UGT1A8: variants seen among roughly 807,000 people sequenced by gnomAD.
The protein encoded by UGT1A8 is UDP glucuronosyltransferase family 1 member A8.
A neutral mutation model predicts 45.3 loss-of-function variants in UGT1A8; 39 were observed. The observed-to-expected ratio is 0.86, with a 90% CI of 0.67 to 1.12. The LOEUF (loss-of-function observed/expected upper bound fraction) is 1.12, where lower values mean the gene tolerates loss of function less well. UGT1A8 is among the 50% of genes most tolerant of loss of function. The pLI is 0.00. For missense variants in UGT1A8, 719 were observed against 664.9 expected (o/e 1.08, Z -0.90); for synonymous variants, 275 against 249.2 (o/e 1.10, Z -0.97).
rs1297959872 is a variant in UGT1A8 at position 233,724,603 on chromosome 2, C to T, written c.856-42431C>T. ...CGCTCCCCACATCTCAGACGATGGG[C>T]GGCCGGGCAGAGACGCTCCTCACTT... On this transcript the variant is annotated intron_variant, in intron 1 of 4. Transcript: ENST00000373450. Among the ~76,000 whole-genome samples the T allele has an allele frequency of 1.4e-4, 18 of 132,966 alleles. 2 individuals are homozygous for T. In the South Asian group the frequency reaches 1.5e-3, roughly 11 times the overall value. The allele number at this position is 132,966 out of a possible 152,430, so 87.2% of individuals were successfully genotyped here.
At chr2:233,638,361 A>G (rs371270129) in intron 1 of UGT1A8, among the ~76,000 whole-genome samples, 1 of 152,138 alleles carries the variant, frequency 6.6e-6, no homozygotes, top group African/African-American at 2.4e-5. Context: ...TGGTTTTTGC[A>G]TATGTATCTT....
intron 1 of UGT1A8, among the ~76,000 whole-genome samples, chr2:233,705,940 T>C (rs2075879874): frequency 6.6e-6 from 1 of 152,018 alleles, no homozygotes; most frequent in Non-Finnish European, 1.5e-5. Flanking sequence ...AGACAAAAAA[T>C]TAGCTGGGTG....
chr2:233,663,210 A>G (rs1392749989), intron 1 of UGT1A8, among the ~76,000 whole-genome samples: 1 of 152,194 alleles, frequency 6.6e-6, no homozygotes, highest in Non-Finnish European at 1.5e-5. Flanking sequence ...CAGAGTCAAT[A>G]TAACAAGACA....
intron 1 of UGT1A8, chr2:233,690,774 CAT>C (rs1286263819): frequency 5.4e-5 from 57 of 1,062,312 alleles, no homozygotes; most frequent in East Asian, 1.3e-4. Context: ...CACACACACA[CAT>C]ACACACACAC....
chr2:233,762,218 A>G (rs1011647338), intron 1 of UGT1A8, among the ~76,000 whole-genome samples: 2 of 152,162 alleles, frequency 1.3e-5, no homozygotes, highest in African/African-American at 4.8e-5. Flanking sequence ...GCGCCCCATA[A>G]ATCTCAGCAC....
At chr2:233,672,247 A>T in intron 1 of UGT1A8, 1 of 1,614,208 alleles carries the variant, frequency 6.2e-7, no homozygotes, top group Non-Finnish European at 8.5e-7. Flanking sequence ...AGTACGAAGT[A>T]TATATTCTCT....
intron 1 of UGT1A8, among the ~76,000 whole-genome samples, chr2:233,638,336 TG>T (rs2073358886): frequency 6.6e-6 from 1 of 152,214 alleles, no homozygotes. Context: ...AACTGATTAC[TG>T]GTAATTAAAA....
chr2:233,750,979 T>C (rs1345929720), intron 1 of UGT1A8, among the ~76,000 whole-genome samples: 3 of 151,782 alleles, frequency 2.0e-5, no homozygotes, highest in Admixed American at 6.5e-5. Context: ...AGTGGAGTTG[T>C]GAGAAGGCGG....
chr2:233,718,959 G>T (rs2076705502), intron 1 of UGT1A8: 9 of 1,614,212 alleles, frequency 5.6e-6, no homozygotes, highest in Non-Finnish European at 7.6e-6. Flanking sequence ...CATGCGGGAG[G>T]CCTTGCGGGA....
intron 1 of UGT1A8, chr2:233,693,850 G>A (rs1347397374): frequency 6.2e-7 from 1 of 1,614,080 alleles, no homozygotes. Flanking sequence ...GTAAGAAGAG[G>A]AAAGACTTGT....
At chr2:233,630,176 G>T (rs1018096242) in intron 1 of UGT1A8, among the ~76,000 whole-genome samples, 5 of 151,958 alleles carry the variant, frequency 3.3e-5, no homozygotes, top group Non-Finnish European at 5.9e-5. Context: ...TCTGAAGTAA[G>T]CCTCCAGGGG....
At chr2:233,768,876 G>A (rs747097900) in intron 4 of UGT1A8, among the ~76,000 whole-genome samples, 6 of 151,968 alleles carry the variant, frequency 3.9e-5, no homozygotes, top group Admixed American at 6.6e-5. Flanking sequence ...GAGCCAGCGC[G>A]TCTGACCTGG....
chr2:233,649,629 C>G (rs17868315), intron 1 of UGT1A8, among the ~76,000 whole-genome samples: 5,920 of 152,228 alleles, frequency 0.039, 153 homozygotes, highest in African/African-American at 0.064. Context: ...TTGACATGTT[C>G]TTTTAATAAT....
intron 4 of UGT1A8, chr2:233,770,806 G>A (rs1700161628): frequency 6.6e-6 from 1 of 152,116 alleles, no homozygotes; most frequent in Admixed American, 6.5e-5. Context: ...TTTAAAGACA[G>A]TGTATTAGGC....
At chr2:233,683,064 A>G (rs1353703949) in intron 1 of UGT1A8, among the ~76,000 whole-genome samples, 1 of 152,238 alleles carries the variant, frequency 6.6e-6, no homozygotes, top group Non-Finnish European at 1.5e-5. Context: ...AAAAAACCAC[A>G]GTAAGAAATG....
intron 1 of UGT1A8, among the ~76,000 whole-genome samples, chr2:233,751,775 T>C (rs1694807699): frequency 1.3e-5 from 2 of 152,228 alleles, no homozygotes; most frequent in Non-Finnish European, 2.9e-5. Context: ...ATGACTTTGC[T>C]TATCTCTCAC....
At chr2:233,662,390 T>C (rs2073991473) in intron 1 of UGT1A8, among the ~76,000 whole-genome samples, 1 of 152,202 alleles carries the variant, frequency 6.6e-6, no homozygotes, top group Non-Finnish European at 1.5e-5. Context: ...CTAATATATT[T>C]ATTGCAACAA....
intron 1 of UGT1A8, among the ~76,000 whole-genome samples, chr2:233,698,922 T>C (rs187139910): frequency 6.6e-6 from 1 of 152,318 alleles, no homozygotes; most frequent in Admixed American, 6.5e-5. Flanking sequence ...GACGTGGCCG[T>C]CTCAGAGGGC....
intron 1 of UGT1A8, chr2:233,692,804 A>T (rs2075115525): frequency 2.1e-6 from 3 of 1,403,232 alleles, no homozygotes. Flanking sequence ...ACACGGCCAT[A>T]GTTGGTTCAT....
Sources: allele counts gnomAD v4.1 joint callset (sites outside exome capture counted in the v4.1 genomes callset), GRCh38; gene constraint gnomAD v4.1.1; transcripts MANE v1.5; gene names NCBI Gene and HGNC (gene_info 2026-07-23, HGNC 2026-07-21).